SYNDIG1: variants seen among roughly 807,000 people sequenced by gnomAD.
The protein encoded by SYNDIG1 is synapse differentiation inducing 1.
In SYNDIG1, 9 loss-of-function variants were observed where a neutral mutation model predicts 19.4. The ratio of observed to expected loss-of-function variants is 0.46; its 90% CI spans 0.28 to 0.81. The LOEUF is 0.81. Among genes scored for constraint, SYNDIG1 ranks in the 30% least tolerant of loss-of-function variants. The probability of loss-of-function intolerance (pLI) is 0.12; values close to 1 mark genes in which losing one functional copy is unlikely to be tolerated. For missense variants in SYNDIG1, 311 were observed against 343.3 expected (o/e 0.91, Z 0.74); for synonymous variants, 141 against 145.9 (o/e 0.97, Z 0.24).
chr20:24,585,047 G>T (rs961087143), intron 3 of SYNDIG1, 54 bp downstream of exon 3: 4 of 1,319,238 alleles, frequency 3.0e-6, no homozygotes, highest in East Asian at 2.7e-5. Context: ...CAGGGTGGGG[G>T]TGGGGGCGGC....
chr20:24,481,105 A>G (rs2055784062), intron 1 of SYNDIG1, among the ~76,000 whole-genome samples: 1 of 152,266 alleles, frequency 6.6e-6, no homozygotes, highest in East Asian at 1.9e-4. Flanking sequence ...TGTAAATTTT[A>G]TGTTGTGTGT....
chr20:24,534,041 A>T (rs1287902288), intron 1 of SYNDIG1, among the ~76,000 whole-genome samples: 1 of 152,112 alleles, frequency 6.6e-6, no homozygotes, highest in Non-Finnish European at 1.5e-5. Context: ...AAGCAGGCAC[A>T]TCACATGACA....
intron 3 of SYNDIG1, among the ~76,000 whole-genome samples, chr20:24,631,054 C>T (rs936201801): frequency 1.3e-5 from 2 of 152,178 alleles, no homozygotes; most frequent in African/African-American, 2.4e-5. Context: ...GCCCACAGGG[C>T]GTGTTGTTAT....
At chr20:24,537,174 AC>A (rs1379176201) in intron 1 of SYNDIG1, among the ~76,000 whole-genome samples, 1 of 151,856 alleles carries the variant, frequency 6.6e-6, no homozygotes, top group East Asian at 1.9e-4. Flanking sequence ...CCTAAACACT[AC>A]CTATGCTGTT....
intron 3 of SYNDIG1, among the ~76,000 whole-genome samples, chr20:24,650,693 G>T (rs2059462206): frequency 6.6e-6 from 1 of 152,218 alleles, no homozygotes; most frequent in Admixed American, 6.5e-5. Context: ...TAATGGTTCT[G>T]CAGTATGCGT....
chr20:24,627,122 G>A (rs571955361), intron 3 of SYNDIG1, among the ~76,000 whole-genome samples: 52 of 103,846 alleles, frequency 5.0e-4, no homozygotes, highest in African/African-American at 1.5e-3. Context: ...GAGGGGGACC[G>A]TGGGGAGAGG....
intron 3 of SYNDIG1, among the ~76,000 whole-genome samples, chr20:24,585,953 G>A (rs774877435): frequency 2.0e-5 from 3 of 152,232 alleles, no homozygotes; most frequent in South Asian, 2.1e-4. Context: ...CAGGTCCTTC[G>A]TCTGAAACAG....
intron 3 of SYNDIG1, among the ~76,000 whole-genome samples, chr20:24,661,249 A>C (rs1337596048): frequency 6.8e-6 from 1 of 146,302 alleles, no homozygotes; most frequent in East Asian, 2.2e-4. Flanking sequence ...CCTGGGATGG[A>C]GCTTCCAGCT....
intron 3 of SYNDIG1, among the ~76,000 whole-genome samples, chr20:24,642,561 C>T (rs1247146727): frequency 1.3e-5 from 2 of 152,132 alleles, no homozygotes; most frequent in Non-Finnish European, 2.9e-5. Context: ...TTAATTGGTT[C>T]ATCCATTTAT....
At chr20:24,562,943 T>A (rs2146890553) in intron 2 of SYNDIG1, among the ~76,000 whole-genome samples, 1 of 91,206 alleles carries the variant, frequency 1.1e-5, no homozygotes, top group Admixed American at 1.2e-4. Flanking sequence ...TTGTGACAAA[T>A]GTAGTTTGAG....
chr20:24,474,357 A>T (rs1002960023), intron 1 of SYNDIG1, among the ~76,000 whole-genome samples: 2 of 152,216 alleles, frequency 1.3e-5, no homozygotes, highest in African/African-American at 4.8e-5. Flanking sequence ...GAAAATAGAA[A>T]CTCTAAAGAA....
intron 1 of SYNDIG1, among the ~76,000 whole-genome samples, chr20:24,518,998 A>G (rs925470501): frequency 6.6e-6 from 1 of 152,212 alleles, no homozygotes; most frequent in Non-Finnish European, 1.5e-5. Context: ...GCAGCCCATT[A>G]CTAGCTGGCA....
chr20:24,601,237 A>C (rs1026876612), intron 3 of SYNDIG1, among the ~76,000 whole-genome samples: 1 of 152,206 alleles, frequency 6.6e-6, no homozygotes, highest in African/African-American at 2.4e-5. Context: ...TCTTTTGCTT[A>C]ACATTTTTGT....
At chr20:24,638,879 G>A (rs368599216) in intron 3 of SYNDIG1, among the ~76,000 whole-genome samples, 1 of 152,234 alleles carries the variant, frequency 6.6e-6, no homozygotes, top group East Asian at 1.9e-4. Flanking sequence ...CACTGTTTAA[G>A]AAATAAACAC....
chr20:24,643,500 T>G (rs988976728), intron 3 of SYNDIG1, among the ~76,000 whole-genome samples: 2 of 152,198 alleles, frequency 1.3e-5, no homozygotes, highest in African/African-American at 2.4e-5. Flanking sequence ...GAAGTAACTT[T>G]ATCAGCTAGA....
At chr20:24,598,908 C>T (rs1428734065) in intron 3 of SYNDIG1, among the ~76,000 whole-genome samples, 7 of 152,006 alleles carry the variant, frequency 4.6e-5, no homozygotes, top group Admixed American at 2.6e-4. Context: ...CTAGGGAAAT[C>T]GCTCCTAGAT....
intron 3 of SYNDIG1, among the ~76,000 whole-genome samples, chr20:24,601,809 A>G (rs541725071): frequency 1.3e-5 from 2 of 152,136 alleles, no homozygotes; most frequent in Non-Finnish European, 2.9e-5. Context: ...CCTAAAGAAC[A>G]TCCTTTAGAA....
chr20:24,626,018 C>G (rs1207556592), intron 3 of SYNDIG1, among the ~76,000 whole-genome samples: 2 of 149,036 alleles, frequency 1.3e-5, no homozygotes, highest in South Asian at 4.2e-4. Context: ...CCCTCCCGGA[C>G]GGGGTGGCTG....
intron 1 of SYNDIG1, among the ~76,000 whole-genome samples, chr20:24,485,604 T>G (rs2055934546): frequency 1.3e-5 from 2 of 152,238 alleles, no homozygotes; most frequent in Non-Finnish European, 2.9e-5. Context: ...TTACTTCTTT[T>G]TTTCTTTATT....
Sources: allele counts gnomAD v4.1 joint callset (sites outside exome capture counted in the v4.1 genomes callset), GRCh38; gene constraint gnomAD v4.1.1; transcripts MANE v1.5; gene names NCBI Gene and HGNC (gene_info 2026-07-23, HGNC 2026-07-21).